PTGER3: variants seen among roughly 807,000 people sequenced by gnomAD.
The protein encoded by PTGER3 is prostaglandin E receptor 3, also known as prostaglandin E2 receptor EP3 subtype.
A neutral mutation model predicts 34.7 loss-of-function variants in PTGER3; 22 were observed. The observed-to-expected ratio is 0.63, with a 90% confidence interval of 0.45 to 0.91. The LOEUF (loss-of-function observed/expected upper bound fraction) is 0.91. Ranked by LOEUF, PTGER3 falls within the 40% of genes least tolerant of loss-of-function variation. The pLI is 0.00. For synonymous variants in PTGER3, 241 were observed against 230.1 expected (o/e 1.05, Z -0.43); for missense variants, 468 against 519.4 (o/e 0.90, Z 0.96).
chr1:70,895,080 A>T (rs1406401321), intron 4 of PTGER3, among the ~76,000 whole-genome samples: 1 of 152,234 alleles, frequency 6.6e-6, no homozygotes, highest in Non-Finnish European at 1.5e-5. Context: ...ATTGATTTCA[A>T]TTGATTATTG....
rs1257542058 is a variant in PTGER3, at chr1:71,015,477, C to A, written c.898-2993G>T. Among the ~76,000 whole-genome samples the A allele has an allele frequency of 1.3e-5, 2 of 152,260 alleles. 1 individual carries two copies. Among genetic ancestry groups the A allele is most frequent in the South Asian group, 4.1e-4 (2 of 4,824 alleles). ...CTTAACCATCAGGTTTGAGTATTTT[C>A]TATTCTTGTTGGCAAAATTGACTAC... On this transcript the variant is annotated intron_variant, in intron 1 of 3. Coordinates refer to ENST00000306666, the MANE Select transcript of PTGER3 (RefSeq NM_198719.2).
chr1:70,944,102 T>G (rs374341162), intron 4 of PTGER3, among the ~76,000 whole-genome samples: 4 of 152,144 alleles, frequency 2.6e-5, no homozygotes, highest in African/African-American at 9.7e-5. Context: ...ATGTAATTTT[T>G]AATCACTCAA....
At chr1:71,009,680 T>G in intron 2 of PTGER3, 1 of 985,114 alleles carries the variant, frequency 1.0e-6, no homozygotes, top group Non-Finnish European at 1.2e-6. Flanking sequence ...CACCATGGTT[T>G]TCTTGGCCTT....
At chr1:70,862,066 C>A (rs1482476025) in intron 4 of PTGER3, among the ~76,000 whole-genome samples, 1 of 151,788 alleles carries the variant, frequency 6.6e-6, no homozygotes, top group Non-Finnish European at 1.5e-5. Context: ...GTTGTGAAAG[C>A]CCCATTAATC....
intron 4 of PTGER3, among the ~76,000 whole-genome samples, chr1:70,872,793 G>A (rs1646191046): frequency 6.6e-6 from 1 of 152,182 alleles, no homozygotes; most frequent in African/African-American, 2.4e-5. Context: ...ACACCATAGA[G>A]TTGTGCTGAA....
At chr1:70,973,049 A>G (rs1237956044) in intron 3 of PTGER3, among the ~76,000 whole-genome samples, 2 of 88,034 alleles carry the variant, frequency 2.3e-5, no homozygotes, top group African/African-American at 6.1e-5. Context: ...GAAACAAGTT[A>G]TCTCTCTTCG....
chr1:70,986,065 T>C (rs142410891), intron 2 of PTGER3, among the ~76,000 whole-genome samples: 7 of 152,200 alleles, frequency 4.6e-5, no homozygotes, highest in Non-Finnish European at 7.4e-5. Flanking sequence ...AAAACCAAGA[T>C]GGCGACAAGA....
intron 3 of PTGER3, among the ~76,000 whole-genome samples, chr1:70,973,213 TAGATAGATGATAGATAGATA>T (rs1252771572): frequency 1.3e-4 from 17 of 130,710 alleles, no homozygotes; most frequent in African/African-American, 4.9e-4. Context: ...GATAGATAGA[TAGATAGATGATAGATAGATA>T]GATAGATAGA....
At chr1:70,879,862 G>A (rs560442532) in intron 4 of PTGER3, among the ~76,000 whole-genome samples, 2 of 152,240 alleles carry the variant, frequency 1.3e-5, no homozygotes, top group Non-Finnish European at 2.9e-5. Context: ...TTGGGAGGCC[G>A]AGTGGGTGGA....
downstream of PTGER3, chr1:70,951,326 CA>C (rs774621856): frequency 6.6e-6 from 1 of 152,066 alleles, no homozygotes; most frequent in Non-Finnish European, 1.5e-5. Flanking sequence ...TCATAAGAAA[CA>C]AACACTTGTT....
At chr1:71,035,408 A>G (rs929467846) in intron 1 of PTGER3, among the ~76,000 whole-genome samples, 1 of 152,118 alleles carries the variant, frequency 6.6e-6, no homozygotes, top group African/African-American at 2.4e-5. Context: ...CTGGTTCAAT[A>G]TTTTCCGTGG....
At chr1:70,882,315 T>G in intron 4 of PTGER3, among the ~76,000 whole-genome samples, 1 of 152,088 alleles carries the variant, frequency 6.6e-6, no homozygotes, top group East Asian at 1.9e-4. Flanking sequence ...AGTGGGACTG[T>G]TCGGCTGGAA....
At chr1:70,877,753 T>C (rs1323469902) in intron 4 of PTGER3, among the ~76,000 whole-genome samples, 3 of 152,042 alleles carry the variant, frequency 2.0e-5, no homozygotes, top group Admixed American at 6.6e-5. Flanking sequence ...TAAATCACGT[T>C]TTAATTTGTG....
intron 2 of PTGER3, among the ~76,000 whole-genome samples, chr1:70,975,147 G>A (rs971523549): frequency 1.3e-5 from 2 of 152,098 alleles, no homozygotes; most frequent in African/African-American, 4.8e-5. Context: ...TTGTACCTAA[G>A]CTATAAGCTT....
chr1:70,888,241 G>A (rs531366350), intron 4 of PTGER3, among the ~76,000 whole-genome samples: 1 of 151,196 alleles, frequency 6.6e-6, no homozygotes, highest in Non-Finnish European at 1.5e-5. Context: ...TTATGAATTC[G>A]GGCAGATCCA....
intron 4 of PTGER3, among the ~76,000 whole-genome samples, chr1:70,867,249 G>C (rs1646062355): frequency 6.6e-6 from 1 of 152,156 alleles, no homozygotes; most frequent in African/African-American, 2.4e-5. Context: ...TAATCATCCA[G>C]GTAGAGTTTT....
chr1:70,940,551 G>A (rs933628248), intron 4 of PTGER3, among the ~76,000 whole-genome samples: 1 of 152,198 alleles, frequency 6.6e-6, no homozygotes, highest in African/African-American at 2.4e-5. Context: ...GGCTGGGGAG[G>A]CCTTGGAATC....
At chr1:71,030,346 T>C (rs1659300069) in intron 1 of PTGER3, among the ~76,000 whole-genome samples, 2 of 152,194 alleles carry the variant, frequency 1.3e-5, no homozygotes, top group South Asian at 4.1e-4. Context: ...GAAAGCAGGT[T>C]TGCAAGAATC....
At chr1:70,914,819 G>C (rs915074806) in intron 4 of PTGER3, among the ~76,000 whole-genome samples, 2 of 151,960 alleles carry the variant, frequency 1.3e-5, no homozygotes, top group Non-Finnish European at 1.5e-5. Context: ...AGGTGGCTCT[G>C]AGGAGTAAAG....
Sources: gnomAD v4.1 joint callset for allele counts (sites outside exome capture counted in the v4.1 genomes callset) on GRCh38, gnomAD v4.1.1 for gene constraint, MANE v1.5 for transcripts, NCBI Gene and HGNC (gene_info 2026-07-23, HGNC 2026-07-21) for gene names.